The following PTPRQ variants were observed in gnomAD, a reference collection of about 807,000 sequenced individuals.
The protein encoded by PTPRQ is protein tyrosine phosphatase receptor type Q.
A neutral mutation model predicts 246.0 loss-of-function variants in PTPRQ; 199 were observed. The observed-to-expected ratio is 0.81, with a 90% CI of 0.72 to 0.91. The LOEUF is 0.91. Among genes scored for constraint, PTPRQ ranks in the 40% least tolerant of loss-of-function variants. The pLI is 0.00. For missense variants in PTPRQ, 2,624 were observed against 2,528.4 expected (o/e 1.04, Z -0.81); for synonymous variants, 869 against 853.2 (o/e 1.02, Z -0.32).
intron 35 of PTPRQ, among the ~76,000 whole-genome samples, chr12:80,643,492 T>C (rs1899964858): frequency 6.6e-6 from 1 of 152,050 alleles, no homozygotes; most frequent in Admixed American, 6.5e-5. Context: ...ATTTCTCTTA[T>C]AAAATTTTAG....
At chr12:80,545,617 G>A (rs1030724509) in intron 23 of PTPRQ, among the ~76,000 whole-genome samples, 1 of 151,362 alleles carries the variant, frequency 6.6e-6, no homozygotes, top group South Asian at 2.1e-4. Flanking sequence ...ATTCCTCCTT[G>A]GGCAACTATG....
At chr12:80,612,843 T>TA (rs775062492) in intron 28 of PTPRQ, among the ~76,000 whole-genome samples, 1 of 150,442 alleles carries the variant, frequency 6.6e-6, no homozygotes, top group African/African-American at 2.4e-5. Context: ...TACTCGGCAA[T>TA]AAAAAGAAGA....
In PTPRQ at chr12:80,616,785, A is replaced by G. The variant is rs973134591; in HGVS notation, c.5230+519A>G. ...CTGGCAAGTATTTTTTATAGAAAAT[A>G]TAACTAAAATTTGGGTCATCCTTTC... On this transcript the variant is annotated intron_variant, in intron 30 of 44. Transcript: ENST00000644991. Among the ~76,000 whole-genome samples, 24 of 151,214 alleles carry G rather than the reference A, an allele frequency of 1.6e-4. No homozygotes were observed. The Admixed American group carries it at 1.6e-3, about 10-fold the overall frequency.
intron 26 of PTPRQ, among the ~76,000 whole-genome samples, chr12:80,589,858 AT>A (rs938386138): frequency 6.6e-6 from 1 of 152,124 alleles, no homozygotes; most frequent in African/African-American, 2.4e-5. Context: ...TCAGCAAATA[AT>A]TGTTTTTTAA....
chr12:80,487,434 TG>T (rs1181238363), intron 9 of PTPRQ, among the ~76,000 whole-genome samples: 3 of 152,088 alleles, frequency 2.0e-5, no homozygotes, highest in South Asian at 4.1e-4. Context: ...TCTTGGTACC[TG>T]GGTTTAGAAT....
intron 27 of PTPRQ, among the ~76,000 whole-genome samples, chr12:80,606,270 G>A (rs1314697280): frequency 6.6e-6 from 1 of 150,876 alleles, no homozygotes; most frequent in Non-Finnish European, 1.5e-5. Context: ...GGTAATGTTA[G>A]TATTTAGAAG....
intron 12 of PTPRQ, 62 bp from the exon 13 acceptor site, chr12:80,495,937 T>A (rs1010667478): frequency 8.0e-6 from 12 of 1,506,134 alleles, no homozygotes; most frequent in Non-Finnish European, 9.7e-6. Flanking sequence ...TTATATTAAA[T>A]GGCACCAATC....
In PTPRQ at chr12:80,548,244, A is replaced by AT. The variant is rs572229317; in HGVS notation, c.4016-1212dup. Among the ~76,000 whole-genome samples, 418 of 151,286 alleles carry AT rather than the reference A, an allele frequency of 2.8e-3. 3 individuals are homozygous for AT. Among genetic ancestry groups the AT allele is most frequent in the African/African-American group, 9.7e-3 (401 of 41,368 alleles). On this transcript the variant is annotated intron_variant, in intron 24 of 44. Coordinates refer to ENST00000644991, the MANE Select transcript of PTPRQ (RefSeq NM_001145026.2). ...TTAAGTGTTTTAATATCAATGGTTA[A>AT]TTTTTTTTTGAGGTTCAAAAAATCA... is the stretch of plus-strand genomic sequence containing the variant.
At chr12:80,521,615 AG>A (rs1399512518) in intron 17 of PTPRQ, among the ~76,000 whole-genome samples, 3 of 152,208 alleles carry the variant, frequency 2.0e-5, no homozygotes, top group African/African-American at 7.2e-5. Context: ...TTTATTAAAT[AG>A]GGAATCCTTT....
At chr12:80,654,050 TTTCTTTCTTTCTC>T (rs1403112189) in intron 38 of PTPRQ, among the ~76,000 whole-genome samples, 1 of 150,412 alleles carries the variant, frequency 6.6e-6, no homozygotes, top group African/African-American at 2.5e-5. Flanking sequence ...CTTTCTTTCT[TTTCTTTCTTTCTC>T]TCTTTCTTAT....
intron 26 of PTPRQ, among the ~76,000 whole-genome samples, chr12:80,594,400 A>G (rs1897900874): frequency 6.6e-6 from 1 of 152,202 alleles, no homozygotes; most frequent in African/African-American, 2.4e-5. Context: ...GAAAATAAAT[A>G]TCATTTATTC....
chr12:80,468,640 A>G (rs1893522085), intron 6 of PTPRQ, 70 bp from the exon 7 acceptor site: 3 of 1,326,370 alleles, frequency 2.3e-6, no homozygotes, highest in East Asian at 3.0e-5. Flanking sequence ...GTGTTTTATT[A>G]TGTGTATTTA....
chr12:80,587,998 T>TAA, intron 25 of PTPRQ, 131 bp from the exon 26 acceptor site: 1 of 928,084 alleles, frequency 1.1e-6, no homozygotes, highest in Non-Finnish European at 1.5e-6. Flanking sequence ...AGTGTGGGGA[T>TAA]AATTAATCTA....
chr12:80,507,126 C>T (rs981369635), intron 16 of PTPRQ, among the ~76,000 whole-genome samples: 5 of 151,932 alleles, frequency 3.3e-5, no homozygotes, highest in African/African-American at 1.2e-4. Context: ...GTACAGGCTT[C>T]TGCATAATTG....
intron 35 of PTPRQ, among the ~76,000 whole-genome samples, chr12:80,643,101 G>T (rs946957258): frequency 1.3e-5 from 2 of 151,802 alleles, no homozygotes; most frequent in African/African-American, 4.8e-5. Flanking sequence ...ATGTTGAGAA[G>T]GTAATACATA....
At chr12:80,643,456 A>T in intron 35 of PTPRQ, among the ~76,000 whole-genome samples, 1 of 151,948 alleles carries the variant, frequency 6.6e-6, no homozygotes, top group Non-Finnish European at 1.5e-5. Flanking sequence ...AAAAAAAGGA[A>T]GTATTCTATT....
chr12:80,660,716 A>G (rs573308607), intron 39 of PTPRQ, among the ~76,000 whole-genome samples: 1 of 152,194 alleles, frequency 6.6e-6, no homozygotes, highest in Non-Finnish European at 1.5e-5. Context: ...AACATTAGAA[A>G]CATCAGATTT....
chr12:80,469,076 CTA>C (rs951390905), intron 7 of PTPRQ, among the ~76,000 whole-genome samples: 1 of 152,110 alleles, frequency 6.6e-6, no homozygotes, highest in Non-Finnish European at 1.5e-5. Context: ...ATGTGAAAAA[CTA>C]GAGATAACTC....
Position 80,471,491 on chromosome 12 carries a change from TA to T in PTPRQ, c.1040-613del, listed in dbSNP as rs755466454. Reference sequence around the variant, plus strand: ...TATTTAGCATTTTTTTTTTTTTTTTTATTTGAGACAGAGTCTCGCTCTGTCG... The same window carrying T: ...TATTTAGCATTTTTTTTTTTTTTTTTTTTGAGACAGAGTCTCGCTCTGTCG... On this transcript the variant is annotated intron_variant, in intron 7 of 44. Coordinates refer to ENST00000644991, the MANE Select transcript of PTPRQ (RefSeq NM_001145026.2). Among the ~76,000 whole-genome samples the T allele has an allele frequency of 2.8e-4, 11 of 39,920 alleles. 1 individual carries two copies. The highest frequency in any genetic ancestry group is 1.9e-3 in the South Asian group (2 of 1,054). The allele number at this position is 39,920 out of a possible 152,430, so 26.2% of individuals were successfully genotyped here.
Sources: allele counts gnomAD v4.1 joint callset (sites outside exome capture counted in the v4.1 genomes callset), GRCh38; gene constraint gnomAD v4.1.1; transcripts MANE v1.5; gene names NCBI Gene and HGNC (gene_info 2026-07-23, HGNC 2026-07-21).